Variants in DAB1 observed in about 807,000 individuals in gnomAD.
The protein encoded by DAB1 is DAB adaptor protein 1, also known as disabled homolog 1.
DAB1 carries 15 observed loss-of-function variants against 64.6 expected under a neutral mutation model. The observed-to-expected ratio is 0.23, with a 90% CI of 0.16 to 0.36. The LOEUF is 0.36. DAB1 is among the 10% of genes least tolerant of loss of function. The pLI, the probability that DAB1 is intolerant of heterozygous loss-of-function variation, is 1.00. For synonymous variants in DAB1, 235 were observed against 251.9 expected, an observed-to-expected ratio of 0.93 and a Z score of 0.64; for missense variants, 596 against 706.7, an observed-to-expected ratio of 0.84 and a Z score of 1.78.
intron 7 of DAB1, among the ~76,000 whole-genome samples, chr1:57,502,056 C>T (rs1157910131): frequency 6.6e-6 from 1 of 152,054 alleles, no homozygotes; most frequent in Non-Finnish European, 1.5e-5. Context: ...CGCGGTGGCT[C>T]ACGCCTGAAA....
chr1:57,975,215 C>A (rs1645891351), intron 5 of DAB1, among the ~76,000 whole-genome samples: 1 of 152,144 alleles, frequency 6.6e-6, no homozygotes, highest in Non-Finnish European at 1.5e-5. Context: ...GATGTGCCAG[C>A]ACCTTGATCT....
At chr1:57,637,168 T>C (rs1043714801) in intron 7 of DAB1, among the ~76,000 whole-genome samples, 2 of 152,208 alleles carry the variant, frequency 1.3e-5, no homozygotes, top group African/African-American at 4.8e-5. Flanking sequence ...TATTTTGCTC[T>C]TCCCATAACA....
chr1:57,648,318 C>A lies in DAB1; in HGVS notation n.625+1274G>T, dbSNP rs574522083. Among the ~76,000 whole-genome samples, 11 of 152,202 alleles carry A rather than the reference C, an allele frequency of 7.2e-5. No homozygotes were observed. In the South Asian group the frequency reaches 2.1e-3, roughly 29 times the overall value. On this transcript the variant is annotated intron_variant and non_coding_transcript_variant, in intron 7 of 20. Transcript: ENST00000485760. Reference sequence around the variant, plus strand: ...AAGGAGGAGGCGAGTGTCCCCCGACCCCAACCCCATTTCTCATTGAACTCT... The same window carrying A: ...AAGGAGGAGGCGAGTGTCCCCCGACACCAACCCCATTTCTCATTGAACTCT...
chr1:57,157,287 G>T (rs1660318850), intron 2 of DAB1, among the ~76,000 whole-genome samples: 1 of 152,042 alleles, frequency 6.6e-6, no homozygotes, highest in South Asian at 2.1e-4. Context: ...TCTTGGAGGG[G>T]TCAACTCCAA....
intron 5 of DAB1, among the ~76,000 whole-genome samples, chr1:58,131,523 G>T (rs1433769437): frequency 1.4e-5 from 2 of 145,018 alleles, no homozygotes; most frequent in African/African-American, 5.1e-5. Flanking sequence ...CTTTGGAGGA[G>T]GAGAGGCGCT....
intron 4 of DAB1, among the ~76,000 whole-genome samples, chr1:58,220,870 T>TACACACAC (rs1440284422): frequency 7.5e-4 from 36 of 47,802 alleles, no homozygotes; most frequent in African/African-American, 1.5e-3. Context: ...TATATACATA[T>TACACACAC]ATACACACAC....
chr1:57,441,272 CTCTT>C (rs60171938), intron 7 of DAB1, among the ~76,000 whole-genome samples: 3,345 of 72,446 alleles, frequency 0.046, 51 homozygotes, highest in Middle Eastern at 0.061. Context: ...TTCTTTCTTT[CTCTT>C]TCTTTCTTTC....
At chr1:57,823,726 G>A (rs967043146), downstream of DAB1, among the ~76,000 whole-genome samples, 21 of 152,178 alleles carry the variant, frequency 1.4e-4, no homozygotes, top group South Asian at 4.1e-4. Context: ...GACATGAAGG[G>A]AGGGTAACTG....
chr1:57,611,061 A>C (rs1343273031), intron 7 of DAB1, among the ~76,000 whole-genome samples: 4 of 151,592 alleles, frequency 2.6e-5, no homozygotes. Context: ...TTGCTTTTGC[A>C]CTAGAATAAA....
At chr1:57,159,642 C>T (rs758865197) in intron 2 of DAB1, among the ~76,000 whole-genome samples, 4 of 152,050 alleles carry the variant, frequency 2.6e-5, no homozygotes, top group African/African-American at 7.2e-5. Flanking sequence ...GAGTTTCCAA[C>T]GCCACCCTGC....
intron 2 of DAB1, among the ~76,000 whole-genome samples, chr1:57,173,278 C>G (rs1661971983): frequency 6.6e-6 from 1 of 152,094 alleles, no homozygotes; most frequent in Non-Finnish European, 1.5e-5. Context: ...ATCCCTAATC[C>G]AAAATGTTCC....
chr1:58,529,370 A>C (rs1646398403), intron 1 of DAB1, among the ~76,000 whole-genome samples: 1 of 152,220 alleles, frequency 6.6e-6, no homozygotes, highest in African/African-American at 2.4e-5. Flanking sequence ...GAAAGATGTA[A>C]AACAAAAAAA....
intron 3 of DAB1, chr1:58,462,943 C>T (rs577591390): frequency 1.3e-5 from 2 of 152,204 alleles, no homozygotes; most frequent in East Asian, 1.9e-4. Context: ...CCTCAGCTTC[C>T]TTGTCTGTAA....
At chr1:57,333,394 A>G (rs1676836710) in intron 1 of DAB1, among the ~76,000 whole-genome samples, 1 of 152,214 alleles carries the variant, frequency 6.6e-6, no homozygotes, top group African/African-American at 2.4e-5. Context: ...GAATGGGCAC[A>G]CTTATCTTAC....
At chr1:57,006,528 T>G (rs1250708919) in intron 14 of DAB1, among the ~76,000 whole-genome samples, 1 of 152,186 alleles carries the variant, frequency 6.6e-6, no homozygotes, top group Non-Finnish European at 1.5e-5. Flanking sequence ...CCTGAGGTCT[T>G]GGCTGACACT....
At chr1:58,389,605 T>C (rs1412059016) in intron 3 of DAB1, among the ~76,000 whole-genome samples, 1 of 152,248 alleles carries the variant, frequency 6.6e-6, no homozygotes, top group Non-Finnish European at 1.5e-5. Context: ...TTCATCACTC[T>C]GAGGCTTAAT....
chr1:58,412,169 T>G (rs932740607), intron 3 of DAB1, among the ~76,000 whole-genome samples: 1 of 152,182 alleles, frequency 6.6e-6, no homozygotes, highest in Non-Finnish European at 1.5e-5. Flanking sequence ...AGACATGAGT[T>G]GGGACTGCCA....
At chr1:57,176,453 C>A (rs1486234246) in intron 2 of DAB1, among the ~76,000 whole-genome samples, 1 of 152,036 alleles carries the variant, frequency 6.6e-6, no homozygotes, top group African/African-American at 2.4e-5. Context: ...AGACCCGCCC[C>A]CCACAATTCA....
chr1:57,287,096 A>T (rs1339225835), intron 2 of DAB1, among the ~76,000 whole-genome samples: 1 of 152,080 alleles, frequency 6.6e-6, no homozygotes, highest in Non-Finnish European at 1.5e-5. Flanking sequence ...TTTTGTGACA[A>T]GGTCTGGCTC....
Sources: allele counts gnomAD v4.1 joint callset (sites outside exome capture counted in the v4.1 genomes callset), GRCh38; gene constraint gnomAD v4.1.1; transcripts MANE v1.5; gene names NCBI Gene and HGNC (gene_info 2026-07-23, HGNC 2026-07-21).